FRMD5: variants seen among roughly 807,000 people sequenced by gnomAD.
The protein encoded by FRMD5 is FERM domain-containing protein 5.
Under a neutral mutation model 69.0 loss-of-function variants are expected in FRMD5, and 20 were observed. The observed-to-expected ratio is 0.29, with a 90% CI of 0.20 to 0.42. The LOEUF (loss-of-function observed/expected upper bound fraction) is 0.42. Ranked by LOEUF, FRMD5 falls within the 10% of genes least tolerant of loss-of-function variation. The probability of loss-of-function intolerance (pLI) is 1.00; values close to 1 mark genes in which losing one functional copy is unlikely to be tolerated. For missense variants in FRMD5, 595 were observed against 708.6 expected, an observed-to-expected ratio of 0.84 and a Z score of 1.82; for synonymous variants, 271 against 260.1, an observed-to-expected ratio of 1.04 and a Z score of -0.40.
intron 8 of FRMD5, 129 bp downstream of exon 8, chr15:43,891,852 C>A (rs1439563983): frequency 1.5e-5 from 11 of 715,344 alleles, no homozygotes; most frequent in African/African-American, 3.6e-5. Context: ...CAGTTACCAC[C>A]ATCAACGCAA....
At chr15:43,919,583 A>G in intron 3 of FRMD5, 46 bp from the exon 4 acceptor site, 1 of 1,588,486 alleles carries the variant, frequency 6.3e-7, no homozygotes, top group Non-Finnish European at 8.6e-7. Flanking sequence ...CTCACCCAGA[A>G]GAGGACAGGG....
intron 1 of FRMD5, among the ~76,000 whole-genome samples, chr15:44,176,307 G>A (rs568637344): frequency 3.3e-5 from 5 of 152,200 alleles, no homozygotes; most frequent in South Asian, 2.1e-4. Context: ...AACTGATTGC[G>A]CTGGACAACT....
At chr15:44,155,718 C>G (rs375349158) in intron 1 of FRMD5, among the ~76,000 whole-genome samples, 2 of 151,562 alleles carry the variant, frequency 1.3e-5, no homozygotes, top group Non-Finnish European at 2.9e-5. Flanking sequence ...CTCAGCCTCC[C>G]GAGTAGCTGG....
intron 1 of FRMD5, among the ~76,000 whole-genome samples, chr15:44,054,842 C>T (rs578063932): frequency 2.0e-5 from 3 of 151,938 alleles, no homozygotes; most frequent in Admixed American, 6.6e-5. Context: ...GAGGCCGAGG[C>T]GGGCACATCA....
chr15:43,976,829 A>AC (rs1274424877), intron 1 of FRMD5, among the ~76,000 whole-genome samples: 2 of 147,734 alleles, frequency 1.4e-5, no homozygotes, highest in Non-Finnish European at 3.0e-5. Context: ...ACCATGACCA[A>AC]CTTTTTTTTT....
chr15:44,111,365 T>G (rs2076793067), intron 1 of FRMD5, among the ~76,000 whole-genome samples: 1 of 152,246 alleles, frequency 6.6e-6, no homozygotes, highest in Non-Finnish European at 1.5e-5. Context: ...AAAAACTTCC[T>G]GCCAGCACGC....
intron 1 of FRMD5, among the ~76,000 whole-genome samples, chr15:43,947,901 G>C (rs749715352): frequency 1.2e-3 from 183 of 152,262 alleles, no homozygotes; most frequent in Admixed American, 2.1e-3. Flanking sequence ...AGCCAAGCTG[G>C]CAATTTTTAA....
intron 1 of FRMD5, among the ~76,000 whole-genome samples, chr15:44,112,887 A>G (rs889033049): frequency 6.6e-6 from 1 of 151,616 alleles, no homozygotes; most frequent in Non-Finnish European, 1.5e-5. Flanking sequence ...GAGCCACCAC[A>G]CTCGGCCACC....
intron 1 of FRMD5, among the ~76,000 whole-genome samples, chr15:44,100,124 A>G (rs1245088094): frequency 1.4e-5 from 2 of 141,650 alleles, no homozygotes; most frequent in Non-Finnish European, 3.0e-5. Context: ...CATGATCTCG[A>G]CTCACTGCAG....
chr15:44,098,272 A>G (rs1260043763), intron 1 of FRMD5, among the ~76,000 whole-genome samples: 1 of 152,170 alleles, frequency 6.6e-6, no homozygotes, highest in Non-Finnish European at 1.5e-5. Flanking sequence ...CACGCCTGTA[A>G]TCCTAGCACT....
chr15:44,058,582 C>A (rs184369537), intron 1 of FRMD5, among the ~76,000 whole-genome samples: 2 of 151,960 alleles, frequency 1.3e-5, no homozygotes, highest in Non-Finnish European at 1.5e-5. Flanking sequence ...GTCGGGAGAT[C>A]GAGACCATCC....
At chr15:44,017,750 C>T (rs1476700033) in intron 1 of FRMD5, among the ~76,000 whole-genome samples, 2 of 151,582 alleles carry the variant, frequency 1.3e-5, no homozygotes, top group African/African-American at 2.4e-5. Flanking sequence ...AGACTACAGG[C>T]GCCCGCCACC....
intron 7 of FRMD5, among the ~76,000 whole-genome samples, chr15:43,899,730 G>A (rs756712712): frequency 1.3e-5 from 2 of 152,176 alleles, no homozygotes; most frequent in Non-Finnish European, 1.5e-5. Context: ...ACAGTGCCTG[G>A]TATGAATGCT....
intron 1 of FRMD5, among the ~76,000 whole-genome samples, chr15:44,018,914 T>C (rs778084385): frequency 6.6e-5 from 10 of 151,958 alleles, no homozygotes; most frequent in Non-Finnish European, 1.5e-4. Flanking sequence ...CTTTTTTTTT[T>C]AGATAGAGTC....
intron 1 of FRMD5, among the ~76,000 whole-genome samples, chr15:43,978,736 G>A (rs1308393411): frequency 2.0e-5 from 3 of 152,068 alleles, no homozygotes; most frequent in African/African-American, 7.2e-5. Flanking sequence ...ATTTTTAGTA[G>A]AGACAGGGTT....
rs761026607 is a variant in FRMD5, at chr15:43,874,308, C to T, written c.1290G>A (p.Val430=). The T allele has an allele frequency of 1.5e-5, 25 of 1,614,106 alleles. No individual in the cohort carries two copies. In the South Asian group the frequency reaches 2.7e-4, roughly 18 times the overall value. The change falls in exon 14 of 14, where the codon GTG becomes GTA. Residue 430 remains valine (V), a synonymous_variant. Transcript: ENST00000417257. ...ADEAYSPADS[V]LPTPVAEHSL... is the part of the protein sequence containing the mutation. ...TGTGCTCAGCCACAGGGGTGGGCAG[C>T]ACGCTGTCTGCAGGGCTGTAGGCCT...
At chr15:44,000,537 G>A (rs570640354) in intron 1 of FRMD5, among the ~76,000 whole-genome samples, 5 of 150,338 alleles carry the variant, frequency 3.3e-5, no homozygotes, top group Admixed American at 1.3e-4. Context: ...TCGGCTCACC[G>A]CAACCTCTGC....
intron 1 of FRMD5, among the ~76,000 whole-genome samples, chr15:44,168,710 G>A (rs766738613): frequency 1.3e-5 from 2 of 152,146 alleles, no homozygotes; most frequent in Non-Finnish European, 2.9e-5. Flanking sequence ...TAGGGGCTAG[G>A]ACAATTCAAA....
chr15:44,050,512 C>T (rs1032786789), intron 1 of FRMD5, among the ~76,000 whole-genome samples: 11 of 147,572 alleles, frequency 7.5e-5, no homozygotes, highest in Non-Finnish European at 1.3e-4. Context: ...AGGCACATGC[C>T]ACCATGCCTG....
Sources: allele counts gnomAD v4.1 joint callset (sites outside exome capture counted in the v4.1 genomes callset), GRCh38; gene constraint gnomAD v4.1.1; transcripts MANE v1.5; gene names NCBI Gene and HGNC (gene_info 2026-07-23, HGNC 2026-07-21).